SGCZ: variants seen among roughly 807,000 people sequenced by gnomAD.
SGCZ encodes sarcoglycan zeta.
SGCZ carries 40 observed loss-of-function variants against 41.3 expected under a neutral mutation model. That is an observed-to-expected ratio of 0.97 (90% CI 0.75 to 1.26). The LOEUF is 1.26. Ranked by LOEUF, SGCZ falls within the 50% of genes most tolerant of loss-of-function variation. SGCZ has a pLI of 0.00. For missense variants in SGCZ, 552 were observed against 369.8 expected (o/e 1.49, Z -4.04); for synonymous variants, 206 against 137.5 (o/e 1.50, Z -3.49).
intron 1 of SGCZ, among the ~76,000 whole-genome samples, chr8:14,630,844 G>A (rs867096964): frequency 4.2e-5 from 6 of 141,350 alleles, no homozygotes; most frequent in Admixed American, 7.3e-5. Context: ...ACACAGGATG[G>A]GGAACATCAG....
intron 3 of SGCZ, among the ~76,000 whole-genome samples, chr8:14,259,523 A>G (rs951289041): frequency 1.4e-5 from 2 of 147,080 alleles, no homozygotes; most frequent in African/African-American, 2.5e-5. Context: ...TCAGCTTTCT[A>G]CATATGGCTA....
chr8:15,162,747 C>A (rs1031724384), intron 1 of SGCZ, among the ~76,000 whole-genome samples: 1 of 152,160 alleles, frequency 6.6e-6, no homozygotes, highest in Non-Finnish European at 1.5e-5. Flanking sequence ...ATCTGTGTAA[C>A]CATTTAGTAA....
intron 4 of SGCZ, among the ~76,000 whole-genome samples, chr8:14,170,570 C>T (rs1023229408): frequency 6.6e-6 from 1 of 152,086 alleles, no homozygotes; most frequent in Non-Finnish European, 1.5e-5. Context: ...CTATTGACTA[C>T]ATTGTCTAAG....
Position 14,115,098 on chromosome 8 carries a change from C to T in SGCZ, c.548-6863G>A, listed in dbSNP as rs534239621. Among the ~76,000 whole-genome samples the T allele has an allele frequency of 1.7e-3, 265 of 152,044 alleles. 1 individual carries two copies. The highest frequency in any genetic ancestry group is 6.1e-3 in the African/African-American group (255 of 41,530). On this transcript the variant is annotated intron_variant, in intron 5 of 7. Transcript: ENST00000382080. ...AGCAGAGCTTTCTTCGTTACTCTTA[C>T]ATCCAATAACTCTTGAGATATATAT... is the stretch of plus-strand genomic sequence containing the variant.
intron 1 of SGCZ, among the ~76,000 whole-genome samples, chr8:14,914,374 A>C (rs1179821071): frequency 6.6e-6 from 1 of 152,122 alleles, no homozygotes; most frequent in Non-Finnish European, 1.5e-5. Context: ...CACAATGACA[A>C]CTGTAGCTTT....
intron 5 of SGCZ, among the ~76,000 whole-genome samples, chr8:14,140,600 A>G (rs920561368): frequency 6.6e-6 from 1 of 152,184 alleles, no homozygotes; most frequent in African/African-American, 2.4e-5. Context: ...ATACCTAGGA[A>G]TCCAACTTAT....
At chr8:14,956,101 G>A (rs557150230) in intron 1 of SGCZ, among the ~76,000 whole-genome samples, 56 of 148,180 alleles carry the variant, frequency 3.8e-4, no homozygotes, top group Non-Finnish European at 5.8e-4. Flanking sequence ...GGGCAATGGC[G>A]CGATCTCTGC....
chr8:14,283,001 C>T (rs970018291), intron 3 of SGCZ, among the ~76,000 whole-genome samples: 7 of 151,050 alleles, frequency 4.6e-5, no homozygotes, highest in South Asian at 2.1e-4. Context: ...AGGTGCCCGC[C>T]ACCACGCCCG....
At chr8:15,027,785 G>A (rs901756482) in intron 1 of SGCZ, among the ~76,000 whole-genome samples, 1 of 151,914 alleles carries the variant, frequency 6.6e-6, no homozygotes, top group Non-Finnish European at 1.5e-5. Flanking sequence ...GAAAGAGAAG[G>A]GAGAGGGATA....
chr8:14,398,445 C>T (rs556834556), intron 2 of SGCZ, among the ~76,000 whole-genome samples: 4 of 152,188 alleles, frequency 2.6e-5, no homozygotes, highest in African/African-American at 9.6e-5. Flanking sequence ...ATCTTATAAC[C>T]ATTTATTCAT....
intron 1 of SGCZ, among the ~76,000 whole-genome samples, chr8:15,072,047 A>G (rs1805371568): frequency 1.3e-5 from 2 of 152,096 alleles, no homozygotes; most frequent in South Asian, 4.1e-4. Flanking sequence ...GTCTGCTTGT[A>G]TCTTCTCGGT....
chr8:14,161,600 T>C (rs1585190662), intron 5 of SGCZ, among the ~76,000 whole-genome samples: 1 of 152,304 alleles, frequency 6.6e-6, no homozygotes, highest in East Asian at 1.9e-4. Flanking sequence ...TCATAGTTTG[T>C]GGGTGTTTCT....
At chr8:14,849,395 CTT>C (rs893129079) in intron 1 of SGCZ, among the ~76,000 whole-genome samples, 1 of 150,624 alleles carries the variant, frequency 6.6e-6, no homozygotes. Context: ...TTCATAGCAG[CTT>C]TTTTTTTGTA....
chr8:15,067,256 C>T (rs949471138), intron 1 of SGCZ, among the ~76,000 whole-genome samples: 5 of 152,200 alleles, frequency 3.3e-5, no homozygotes, highest in African/African-American at 7.2e-5. Flanking sequence ...ACTACACCCA[C>T]CCTGCACACA....
intron 5 of SGCZ, among the ~76,000 whole-genome samples, chr8:14,162,183 G>T (rs986103630): frequency 1.3e-5 from 2 of 152,198 alleles, no homozygotes; most frequent in African/African-American, 4.8e-5. Context: ...GACAGGCAAA[G>T]GTAATACAAA....
chr8:14,404,761 T>C (rs1253784319), intron 2 of SGCZ, among the ~76,000 whole-genome samples: 1 of 152,208 alleles, frequency 6.6e-6, no homozygotes, highest in East Asian at 1.9e-4. Context: ...GTCTGGTTTT[T>C]GCTCTGCTCT....
intron 1 of SGCZ, among the ~76,000 whole-genome samples, chr8:15,093,030 G>T (rs896874395): frequency 1.3e-5 from 2 of 152,126 alleles, no homozygotes; most frequent in Admixed American, 1.3e-4. Context: ...GGCGTCATTA[G>T]AACTTTTCTG....
Position 14,343,685 on chromosome 8 carries a change from G to A in SGCZ, c.235-19481C>T, listed in dbSNP as rs563522442. ...CATAGAGGATTGTATCTTAGAGACA[G>A]AATAATCTAGATTCAGAGGAGACTC... On this transcript the variant is annotated intron_variant, in intron 2 of 7. Transcript: ENST00000382080. Among the ~76,000 whole-genome samples, 7 of 152,266 alleles carry A rather than the reference G, an allele frequency of 4.6e-5. No homozygotes were observed. The South Asian group carries it at 1.5e-3, about 32-fold the overall frequency.
chr8:14,206,581 A>C (rs896185186), intron 4 of SGCZ, among the ~76,000 whole-genome samples: 5 of 152,290 alleles, frequency 3.3e-5, no homozygotes, highest in Non-Finnish European at 7.4e-5. Context: ...TTTGAAAGCA[A>C]TGCCCTGGAA....
Sources: gnomAD v4.1 joint callset for allele counts (sites outside exome capture counted in the v4.1 genomes callset) on GRCh38, gnomAD v4.1.1 for gene constraint, MANE v1.5 for transcripts, NCBI Gene and HGNC (gene_info 2026-07-23, HGNC 2026-07-21) for gene names.